The following ZNF174 variants were observed in gnomAD, a reference collection of about 807,000 sequenced individuals.
The protein encoded by ZNF174 is zinc finger protein 174.
A neutral mutation model predicts 38.7 loss-of-function variants in ZNF174; 30 were observed. The ratio of observed to expected loss-of-function variants is 0.78; its 90% CI spans 0.58 to 1.05. The LOEUF (loss-of-function observed/expected upper bound fraction) is 1.05, where lower values mean the gene tolerates loss of function less well. Ranked by LOEUF, ZNF174 falls within the 50% of genes least tolerant of loss-of-function variation. The pLI, the probability that ZNF174 is intolerant of heterozygous loss-of-function variation, is 0.00. For synonymous variants in ZNF174, 201 were observed against 181.7 expected, an observed-to-expected ratio of 1.11 and a Z score of -0.86; for missense variants, 499 against 495.6, an observed-to-expected ratio of 1.01 and a Z score of -0.06.
At chr16:3,405,506 G>A (rs1489622158) in intron 2 of ZNF174, among the ~76,000 whole-genome samples, 1 of 150,870 alleles carries the variant, frequency 6.6e-6, no homozygotes, top group Non-Finnish European at 1.5e-5. Context: ...AGGCTCCCGT[G>A]GGGCTCTTTC....
chr16:3,403,568 C>T (rs2034001323), intron 1 of ZNF174, among the ~76,000 whole-genome samples: 1 of 151,226 alleles, frequency 6.6e-6, no homozygotes, highest in Non-Finnish European at 1.5e-5. Flanking sequence ...CTCGCTGCAA[C>T]CTCCATGTCC....
In ZNF174 at chr16:3,407,683, G is replaced by A. The variant is rs138419029; in HGVS notation, c.626-638G>A. Among the ~76,000 whole-genome samples the A allele has an allele frequency of 2.6e-3, 398 of 152,298 alleles. 2 individuals are homozygous for A. Among genetic ancestry groups the A allele is most frequent in the Middle Eastern group, 0.024 (7 of 294 alleles). Reference sequence around the variant, plus strand: ...CACAAGGGATCCTTCTCCAGATCCTGTGATTTCCCATAGGCCGTTCCAGCT... The same window carrying A: ...CACAAGGGATCCTTCTCCAGATCCTATGATTTCCCATAGGCCGTTCCAGCT... On this transcript the variant is annotated intron_variant, in intron 2 of 2. Transcript: ENST00000268655.
Position 3,401,982 on chromosome 16 carries a change from A to G in ZNF174, c.-23A>G, listed in dbSNP as rs374304524. 4 of 1,607,276 alleles carry G rather than the reference A, an allele frequency of 2.5e-6. No homozygotes were observed. The highest frequency in any genetic ancestry group is 3.5e-5 in the Admixed American group (2 of 57,784). On this transcript the variant is annotated 5_prime_UTR_variant, in exon 1 of 3. Transcript: ENST00000268655. The stretch of plus-strand genomic sequence containing the variant: ...AAAGGCTTAACCCGTTTACAAGGAG[A>G]GAGTTGTCTCCTGACGCCCAAAATG...
intron 1 of ZNF174, among the ~76,000 whole-genome samples, chr16:3,403,126 T>C (rs1381793073): frequency 6.7e-6 from 1 of 150,014 alleles, no homozygotes; most frequent in African/African-American, 2.4e-5. Context: ...TAGCTTATTG[T>C]CTTTCCAGTG....
chr16:3,408,590 A>G lies in ZNF174; in HGVS notation c.895A>G (p.Lys299Glu), dbSNP rs200088824. The G allele has an allele frequency of 1.1e-4, 170 of 1,614,068 alleles. No homozygotes were observed. Among genetic ancestry groups the G allele is most frequent in the Non-Finnish European group, 1.4e-4 (163 of 1,180,040 alleles). Residue 299 changes from lysine to glutamate, a missense_variant, in exon 3 of 3, where the codon AAA (lysine) becomes GAA (glutamate). Lys to Glu is a moderately conservative substitution (Grantham distance 56, BLOSUM62 1). Transcript: ENST00000268655. The part of the protein sequence containing the change: ...LKSHPLRELK[K>E]SKGGKRSLSN... ...AAGCCACCCACTGAGAGAGCTAAAG[A>G]AAAGCAAAGGAGGTAAACGGAGTCT... is the stretch of plus-strand genomic sequence containing the variant.
rs753071209 is a variant in ZNF174 at position 3,403,150 on chromosome 16, C to CTTTTTTTTTTTTTTTT, written c.402+766_402+781dup. The stretch of plus-strand genomic sequence containing the variant: ...GTCTTTCCAGTGTTTAGCTTATAGT[C>CTTTTTTTTTTTTTTTT]TTTTTTTTTTTTTTTTTTTTTTTTT... On this transcript the variant is annotated intron_variant, in intron 1 of 2. Transcript: ENST00000268655. Among the ~76,000 whole-genome samples the CTTTTTTTTTTTTTTTT allele has an allele frequency of 1.6e-4, 5 of 30,974 alleles. 1 individual carries two copies. Among genetic ancestry groups the CTTTTTTTTTTTTTTTT allele is most frequent in the African/African-American group, 7.3e-4 (5 of 6,892 alleles). 20.3% of individuals were successfully genotyped at this position (30,974 alleles called of 152,430 possible).
chr16:3,402,074 A>G lies in ZNF174; in HGVS notation c.70A>G (p.Ile24Val). ...EASSKQERHI[I>V]AKLEEKRGPP... Reference sequence around the variant, plus strand: ...TTCCTCCAAGCAAGAGAGACACATAATAGCCAAACTAGAAGAGAAACGGGG... The same window carrying G: ...TTCCTCCAAGCAAGAGAGACACATAGTAGCCAAACTAGAAGAGAAACGGGG... Residue 24 changes from isoleucine (I) to valine (V), a missense_variant, in exon 1 of 3, where the codon ATA becomes GTA. Coordinates refer to ENST00000268655, the MANE Select transcript of ZNF174 (RefSeq NM_003450.3). 6.2e-7 allele frequency: 1 copy of G among 1,614,158 alleles called. No homozygotes were observed. The highest frequency in any genetic ancestry group is 1.7e-5 in the Admixed American group (1 of 60,014).
Position 3,404,443 on chromosome 16 carries a change from G to C in ZNF174, c.420G>C (p.Gln140His). 1 of 1,606,184 alleles carries C rather than the reference G, an allele frequency of 6.2e-7. No homozygotes were observed. The highest frequency in any genetic ancestry group is 1.1e-5 in the South Asian group (1 of 90,824). The stretch of plus-strand genomic sequence containing the variant: ...GTTCCTAGGTGGCCGTTTGTATGCA[G>C]GGGCAAAAGGTGCTCTTGGAGAAAA... ...KPKQWVAVCMQGQKVLLEKTG... is the reference protein window; with the variant it reads ...KPKQWVAVCMHGQKVLLEKTG... The change falls in exon 2 of 3, where the codon CAG becomes CAC. Residue 140 changes from glutamine to histidine, a missense_variant. Coordinates refer to ENST00000268655, the MANE Select transcript of ZNF174 (RefSeq NM_003450.3).
chr16:3,406,711 AT>A (rs1244029115), intron 2 of ZNF174, among the ~76,000 whole-genome samples: 2 of 152,020 alleles, frequency 1.3e-5, no homozygotes, highest in Admixed American at 1.3e-4. Flanking sequence ...CTTTTCTCTC[AT>A]TTTGTGGGTT....
chr16:3,406,870 T>C (rs542043873), intron 2 of ZNF174, among the ~76,000 whole-genome samples: 28 of 152,318 alleles, frequency 1.8e-4, no homozygotes, highest in African/African-American at 6.5e-4. Flanking sequence ...ACAGCTATGG[T>C]TTCTTCAAGG....
chr16:3,402,591 T>C (rs150151251), intron 1 of ZNF174, among the ~76,000 whole-genome samples, 185 bp downstream of exon 1: 6,674 of 151,936 alleles, frequency 0.044, 196 homozygotes, highest in Middle Eastern at 0.068. Context: ...CCCGAGTAGC[T>C]GGGACTACAG....
chr16:3,408,543 A>G lies in ZNF174; in HGVS notation c.848A>G (p.Glu283Gly). 6 of 1,614,186 alleles carry G rather than the reference A, an allele frequency of 3.7e-6. No homozygotes were observed. Among genetic ancestry groups the G allele is most frequent in the Middle Eastern group, 1.6e-4 (1 of 6,062 alleles). Residue 283 changes from glutamate to glycine, a missense_variant, in exon 3 of 3, where the codon GAA becomes GGA. Physicochemically the swap from Glu to Gly is moderately conservative, Grantham distance 98. Coordinates refer to ENST00000268655, the MANE Select transcript of ZNF174 (RefSeq NM_003450.3). ...FAHYQRHCRV[E>G]YISSPLKSHP... ...CACTACCAGAGACATTGCAGGGTGG[A>G]ATACATCAGCAGCCCCCTAAAAAGC...
chr16:3,406,674 C>CA, intron 2 of ZNF174, among the ~76,000 whole-genome samples: 1 of 152,186 alleles, frequency 6.6e-6, no homozygotes, highest in East Asian at 1.9e-4. Flanking sequence ...ATTCTAGATA[C>CA]TAGACCCTTA....
chr16:3,408,395 G>T lies in ZNF174; in HGVS notation c.700G>T (p.Val234Leu), dbSNP rs765947312. The T allele has an allele frequency of 1.5e-5, 25 of 1,614,212 alleles. No homozygotes were observed. Among genetic ancestry groups the T allele is most frequent in the Non-Finnish European group, 2.1e-5 (25 of 1,180,032 alleles). The change falls in exon 3 of 3, where the codon GTG becomes TTG. Residue 234 changes from valine (V) to leucine (L), a missense_variant. By Grantham distance (32) the Val-to-Leu change is conservative. Transcript: ENST00000268655. ...EGAKGAKPCA[V>L]SAGRSKGNGL... ...GGCTAAAGGAGCAAAGCCATGTGCA[G>T]TGTCAGCTGGCAGATCCAAAGGGAA...
rs547983813 is a variant in ZNF174 at position 3,402,416 on chromosome 16, G to T, written c.402+10G>T. 8.8e-6 allele frequency: 14 copies of T among 1,589,566 alleles called. No homozygotes were observed. The South Asian group carries it at 1.6e-4, about 18-fold the overall frequency. ...GAAACCAAAGCAGTGGGTAAGGAGG[G>T]TCCTCTCCCATCATCCTGGGGATTT... On this transcript the variant is annotated intron_variant, in intron 1 of 2. Coordinates refer to ENST00000268655, the MANE Select transcript of ZNF174 (RefSeq NM_003450.3).
intron 2 of ZNF174, among the ~76,000 whole-genome samples, chr16:3,405,277 C>G (rs2034039255): frequency 6.6e-6 from 1 of 152,178 alleles, no homozygotes; most frequent in African/African-American, 2.4e-5. Context: ...TTAATATTTG[C>G]TACATCCAAT....
chr16:3,407,033 C>T (rs764390632), intron 2 of ZNF174, among the ~76,000 whole-genome samples: 21 of 152,190 alleles, frequency 1.4e-4, no homozygotes, highest in Non-Finnish European at 2.5e-4. Flanking sequence ...GCTCTTACAA[C>T]AAATTGCCTT....
Position 3,408,279 on chromosome 16 carries a change from C to T in ZNF174, c.626-42C>T, listed in dbSNP as rs766206598. The T allele has an allele frequency of 7.2e-6, 11 of 1,520,902 alleles. No homozygotes were observed. The South Asian group carries it at 1.3e-4, about 18-fold the overall frequency. 94.2% of individuals were successfully genotyped at this position (1,520,902 alleles called of 1,614,324 possible). A position where few individuals can be genotyped will look rare whatever the true frequency, so the allele number is the denominator to read the frequency against. ...TTCATAACTCTTGCTGAAGTTATTT[C>T]TTCCAAGTGCAGAAAATGAAGCATT... is the stretch of plus-strand genomic sequence containing the variant. On this transcript the variant is annotated intron_variant, in intron 2 of 2. Coordinates refer to ENST00000268655, the MANE Select transcript of ZNF174 (RefSeq NM_003450.3).
rs2034094402 is a variant in ZNF174, at chr16:3,409,134, C to G, written c.*215C>G. On this transcript the variant is annotated 3_prime_UTR_variant, in exon 3 of 3. Transcript: ENST00000268655. ...GGTGAAGAGAAGGCAGGTCTGGGCA[C>G]TGGGGCAAAGAGAACTTAAGTCTCT... 1.0e-5 allele frequency: 6 copies of G among 571,518 alleles called. No individual in the cohort carries two copies. Among genetic ancestry groups the G allele is most frequent in the Non-Finnish European group, 1.9e-5 (6 of 324,164 alleles). The allele number at this position is 571,518 out of a possible 1,614,324, so 35.4% of individuals were successfully genotyped here.
Sources: allele counts gnomAD v4.1 joint callset (sites outside exome capture counted in the v4.1 genomes callset), GRCh38; gene constraint gnomAD v4.1.1; transcripts MANE v1.5; gene names NCBI Gene and HGNC (gene_info 2026-07-23, HGNC 2026-07-21).